ADAM20: variants seen among roughly 807,000 people sequenced by gnomAD.
ADAM20 encodes ADAM metallopeptidase domain 20, also known as disintegrin and metalloproteinase domain-containing protein 20.
For synonymous variants in ADAM20, 305 were observed against 310.2 expected (o/e 0.98, Z 0.18); for missense variants, 871 against 883.2 (o/e 0.99, Z 0.18).
At chr14:70,534,422 AGCATT>A (rs1883786864) in intron 1 of ADAM20, among the ~76,000 whole-genome samples, 1 of 152,190 alleles carries the variant, frequency 6.6e-6, no homozygotes, top group South Asian at 2.1e-4. Flanking sequence ...TGTTAACTGC[AGCATT>A]ATTTACAATA....
In ADAM20 at chr14:70,522,713, A is replaced by G. The variant is rs778308611; in HGVS notation, c.2045T>C (p.Met682Thr). ...CTTTCCCATCACATTTAATCCTTCC[A>G]TGTTGTTCTTAGGAGGTGGGCCACT... ...ADSGPPPKNN[M>T]EGLNVMGKLR... The change falls in exon 2 of 2, where the codon ATG becomes ACG. Residue 682 changes from methionine to threonine, a missense_variant. Physicochemically the swap from Met to Thr is moderately conservative, Grantham distance 81. Transcript: ENST00000256389. The G allele has an allele frequency of 1.9e-6, 3 of 1,613,904 alleles. No individual in the cohort carries two copies. The highest frequency in any genetic ancestry group is 2.7e-5 in the African/African-American group (2 of 74,914).
chr14:70,527,759 C>A (rs1003699514), intron 1 of ADAM20, among the ~76,000 whole-genome samples: 4 of 152,142 alleles, frequency 2.6e-5, no homozygotes, highest in African/African-American at 9.7e-5. Flanking sequence ...ATTGACTCTG[C>A]CTCCACCACC....
chr14:70,553,347 GAA>G, the ADAM20 span, among the ~76,000 whole-genome samples: 5 of 57,596 alleles, frequency 8.7e-5, no homozygotes, highest in Non-Finnish European at 1.3e-4. Context: ...TAGCAGAATT[GAA>G]AAAAAAAAAA....
At chr14:70,567,708 A>T in the ADAM20 span, among the ~76,000 whole-genome samples, 1 of 152,040 alleles carries the variant, frequency 6.6e-6, no homozygotes, top group Non-Finnish European at 1.5e-5. Flanking sequence ...GAGAACAGAG[A>T]AATCACAGAG....
chr14:70,523,490 C>T lies in ADAM20; in HGVS notation c.1268G>A (p.Cys423Tyr), dbSNP rs547855276. The T allele has an allele frequency of 7.9e-5, 128 of 1,614,082 alleles. No individual in the cohort carries two copies. In the South Asian group the frequency reaches 1.4e-3, roughly 17 times the overall value. ...TTTTGCACACTGCCGTATGGTTCCACAGTCACATTCCTCCCCTTCTTCAAC... is the reference window on the plus strand; with the variant it reads ...TTTTGCACACTGCCGTATGGTTCCATAGTCACATTCCTCCCCTTCTTCAAC... ...LVVEEGEECDCGTIRQCAKDP... is the reference protein window; with the variant it reads ...LVVEEGEECDYGTIRQCAKDP... The change falls in exon 2 of 2, where the codon TGT becomes TAT. Residue 423 changes from cysteine to tyrosine, a missense_variant. By Grantham distance (194) the Cys-to-Tyr change is radical. Transcript: ENST00000256389.
the ADAM20 span, among the ~76,000 whole-genome samples, chr14:70,543,088 A>T: frequency 1.3e-5 from 2 of 152,332 alleles, no homozygotes; most frequent in Admixed American, 6.5e-5. Context: ...ATGTTTCAAA[A>T]ACTATTGCAC....
At chr14:70,544,671 T>C in the ADAM20 span, among the ~76,000 whole-genome samples, 1 of 152,136 alleles carries the variant, frequency 6.6e-6, no homozygotes, top group East Asian at 1.9e-4. Flanking sequence ...AATGTAAATT[T>C]CAAAATAGCT....
intron 1 of ADAM20, among the ~76,000 whole-genome samples, chr14:70,528,320 C>T (rs961421076): frequency 7.2e-5 from 11 of 152,132 alleles, no homozygotes; most frequent in African/African-American, 2.7e-4. Context: ...TATATCTTTG[C>T]CATCTACTAT....
At chr14:70,573,661 T>A in the ADAM20 span, among the ~76,000 whole-genome samples, 125 of 152,240 alleles carry the variant, frequency 8.2e-4, 1 homozygote, top group African/African-American at 2.9e-3. Context: ...GCTATAAGGG[T>A]GCATTTAAGC....
At chr14:70,528,328 T>C (rs1423593760) in intron 1 of ADAM20, among the ~76,000 whole-genome samples, 1 of 152,256 alleles carries the variant, frequency 6.6e-6, no homozygotes, top group African/African-American at 2.4e-5. Context: ...TGCCATCTAC[T>C]ATCTTCTTTT....
upstream of ADAM20, among the ~76,000 whole-genome samples, chr14:70,537,417 C>A (rs1367801654): frequency 6.6e-6 from 1 of 152,224 alleles, no homozygotes; most frequent in African/African-American, 2.4e-5. Flanking sequence ...CTGATTCCAA[C>A]CGCAACATCC....
the ADAM20 span, among the ~76,000 whole-genome samples, chr14:70,558,623 A>C: frequency 1.3e-5 from 2 of 152,244 alleles, no homozygotes; most frequent in East Asian, 3.9e-4. Flanking sequence ...ATGCTATAAC[A>C]TGGGTGTGCA....
At chr14:70,539,390 T>C (rs944545948), upstream of ADAM20, among the ~76,000 whole-genome samples, 4 of 152,222 alleles carry the variant, frequency 2.6e-5, no homozygotes, top group African/African-American at 9.6e-5. Flanking sequence ...CAGATGTTCA[T>C]AGCTCTGGGA....
chr14:70,554,834 T>C, the ADAM20 span, among the ~76,000 whole-genome samples: 1 of 151,962 alleles, frequency 6.6e-6, no homozygotes, highest in African/African-American at 2.4e-5. Flanking sequence ...CTTGAAAAAA[T>C]TGGACAAAAC....
upstream of ADAM20, among the ~76,000 whole-genome samples, chr14:70,539,757 G>A (rs1883906951): frequency 6.6e-6 from 1 of 152,202 alleles, no homozygotes; most frequent in African/African-American, 2.4e-5. Context: ...GCATACAGAT[G>A]TTATGTTAAA....
the ADAM20 span, among the ~76,000 whole-genome samples, chr14:70,576,876 C>T: frequency 1.3e-5 from 2 of 152,066 alleles, no homozygotes; most frequent in Admixed American, 1.3e-4. Context: ...GATTAAGCTG[C>T]CTTCACAATA....
Position 70,524,824 on chromosome 14 carries a change from T to C in ADAM20, c.-67A>G, listed in dbSNP as rs1171394468. ...AGAACAAGGTGTGAGGCACTGCTGG[T>C]CTGGCTCCTCCCTCTGAGCTGTTCA... On this transcript the variant is annotated 5_prime_UTR_variant, in exon 2 of 2. Coordinates refer to ENST00000256389, the MANE Select transcript of ADAM20 (RefSeq NM_003814.5). 3 of 1,613,338 alleles carry C rather than the reference T, an allele frequency of 1.9e-6. No homozygotes were observed. The highest frequency in any genetic ancestry group is 1.8e-4 in the Middle Eastern group (1 of 5,460).
the ADAM20 span, chr14:70,557,140 G>A: frequency 6.6e-6 from 1 of 152,122 alleles, no homozygotes; most frequent in East Asian, 1.9e-4. Flanking sequence ...CAATTTCCAA[G>A]GTAAAACAAC....
the ADAM20 span, among the ~76,000 whole-genome samples, chr14:70,571,029 G>A: frequency 1.3e-5 from 2 of 152,094 alleles, no homozygotes; most frequent in African/African-American, 4.8e-5. Flanking sequence ...AACAGACACA[G>A]AAAAAGCATT....
Sources: allele counts gnomAD v4.1 joint callset (sites outside exome capture counted in the v4.1 genomes callset), GRCh38; gene constraint gnomAD v4.1.1; transcripts MANE v1.5; gene names NCBI Gene and HGNC (gene_info 2026-07-23, HGNC 2026-07-21).